RET: variants seen among roughly 807,000 people sequenced by gnomAD.
RET encodes ret proto-oncogene, also known as proto-oncogene tyrosine-protein kinase receptor Ret.
RET carries 19 observed loss-of-function variants against 118.3 expected under a neutral mutation model. The observed-to-expected ratio is 0.16, with a 90% CI of 0.11 to 0.24. The LOEUF is 0.24. RET is among the 10% of genes least tolerant of loss of function. RET has a pLI of 1.00. For missense variants in RET, 1,219 were observed against 1,502.1 expected (o/e 0.81, Z 3.12); for synonymous variants, 597 against 644.1 (o/e 0.93, Z 1.11).
intron 3 of RET, among the ~76,000 whole-genome samples, chr10:43,103,297 A>G (rs1837682850): frequency 6.6e-6 from 1 of 152,258 alleles, no homozygotes; most frequent in East Asian, 1.9e-4. Flanking sequence ...TGTGTTAGGA[A>G]TGGTTTGGGG....
chr10:43,099,014 A>C (rs1837578813), intron 1 of RET, among the ~76,000 whole-genome samples: 1 of 152,156 alleles, frequency 6.6e-6, no homozygotes, highest in South Asian at 2.1e-4. Flanking sequence ...TTTCACCGAC[A>C]ATGTACATGA....
chr10:43,088,466 T>C (rs1393667779), intron 1 of RET, among the ~76,000 whole-genome samples: 1 of 151,824 alleles, frequency 6.6e-6, no homozygotes, highest in Non-Finnish European at 1.5e-5. Context: ...GAGGTGATGG[T>C]GCTGGTGGTA....
In RET at chr10:43,128,760, C is replaced by CGG. The variant is rs201945709; in HGVS notation, c.*498_*499dup. ...TGTCCTTATTCAGAATGAGAGACTG[C>CGG]GGGGGGGGCCTGGGGGTAGTGTCAA... On this transcript the variant is annotated 3_prime_UTR_variant, in exon 20 of 20. Coordinates refer to ENST00000355710, the MANE Select transcript of RET (RefSeq NM_020975.6). The CGG allele has an allele frequency of 7.3e-6, 2 of 272,650 alleles. No individual in the cohort carries two copies. The highest frequency in any genetic ancestry group is 4.5e-5 in the African/African-American group (2 of 44,856). 16.9% of individuals were successfully genotyped at this position (272,650 alleles called of 1,614,324 possible). A position where few individuals can be genotyped will look rare whatever the true frequency, so the allele number is the denominator to read the frequency against.
In RET at chr10:43,106,646, C is replaced by T. The variant is rs1837788040; in HGVS notation, c.1063+75C>T. The T allele has an allele frequency of 1.4e-6, 2 of 1,464,156 alleles. No homozygotes were observed. Among genetic ancestry groups the T allele is most frequent in the Non-Finnish European group, 1.9e-6 (2 of 1,064,346 alleles). 90.7% of individuals were successfully genotyped at this position (1,464,156 alleles called of 1,614,324 possible). A position where few individuals can be genotyped will look rare whatever the true frequency, so the allele number is the denominator to read the frequency against. On this transcript the variant is annotated intron_variant, in intron 5 of 19. Coordinates refer to ENST00000355710, the MANE Select transcript of RET (RefSeq NM_020975.6). This position sits in a 1 kb window ranked among gnomAD's most constrained non-coding sequence, Gnocchi z 5.1. ...GCTCGCTCTTCATGGGCAAGCAGCACCCTACACACATGCACACCTGGCATG... is the reference window on the plus strand; with the variant it reads ...GCTCGCTCTTCATGGGCAAGCAGCATCCTACACACATGCACACCTGGCATG...
intron 1 of RET, among the ~76,000 whole-genome samples, chr10:43,078,656 AG>A (rs1415231977): frequency 4.6e-5 from 7 of 152,180 alleles, no homozygotes; most frequent in Admixed American, 6.5e-5. Flanking sequence ...GGTTGTGGGC[AG>A]GGGGCCAGGT....
chr10:43,079,884 T>G (rs1837141100), intron 1 of RET, among the ~76,000 whole-genome samples: 1 of 152,152 alleles, frequency 6.6e-6, no homozygotes, highest in African/African-American at 2.4e-5. Context: ...CTCCCCTTTC[T>G]CTGGCCAGAG....
rs1008123818 is a variant in RET at position 43,102,581 on chromosome 10, G to C, written c.577G>C (p.Val193Leu). 6.2e-7 allele frequency: 1 copy of C among 1,614,110 alleles called. No individual in the cohort carries two copies. The highest frequency in any genetic ancestry group is 8.5e-7 in the Non-Finnish European group (1 of 1,180,060). The change falls in exon 3 of 20, where the codon GTG becomes CTG. Residue 193 changes from valine to leucine, a missense_variant. By Grantham distance (32) the Val-to-Leu change is conservative. Around this residue, in one of 5 missense-constraint regions of RET, gnomAD observed 850 missense variants for 969.6 expected, o/e 0.88. Coordinates refer to ENST00000355710, the MANE Select transcript of RET (RefSeq NM_020975.6). ...CTTCCACCAGTTCCGCCTGCTGCCT[G>C]TGCAGTTCTTGTGCCCCAACATCAG... ...GTFHQFRLLP[V>L]QFLCPNISVA...
At chr10:43,127,317 C>T in intron 19 of RET, 1 of 1,070,476 alleles carries the variant, frequency 9.3e-7, no homozygotes, top group Non-Finnish European at 1.1e-6. Context: ...GACGCACCCC[C>T]ACTGCTGTTT....
chr10:43,078,278 C>T lies in RET; in HGVS notation c.73+947C>T, dbSNP rs560675082. ...GCTTGTGTATGAACCAAGTTTCCCT[C>T]TAAGAGGGAAGGAGCCCTGGCCATC... On this transcript the variant is annotated intron_variant, in intron 1 of 19. Transcript: ENST00000355710. Among the ~76,000 whole-genome samples the T allele has an allele frequency of 8.5e-5, 13 of 152,346 alleles. No individual in the cohort carries two copies. The East Asian group carries it at 2.3e-3, about 27-fold the overall frequency.
intron 1 of RET, among the ~76,000 whole-genome samples, chr10:43,084,691 C>T (rs957552531): frequency 1.3e-5 from 2 of 152,160 alleles, no homozygotes; most frequent in Admixed American, 1.3e-4. Context: ...CGTCTGATTC[C>T]TCACATGGGC....
intron 8 of RET, among the ~76,000 whole-genome samples, 163 bp downstream of exon 8, chr10:43,112,387 G>A (rs928240163): frequency 7.9e-5 from 12 of 152,246 alleles, no homozygotes; most frequent in Non-Finnish European, 1.8e-4. Flanking sequence ...GGGCAGCAGT[G>A]CAGGGCTTGG....
At chr10:43,095,515 G>A (rs1310532354) in intron 1 of RET, among the ~76,000 whole-genome samples, 2 of 152,146 alleles carry the variant, frequency 1.3e-5, no homozygotes, top group Non-Finnish European at 2.9e-5. Flanking sequence ...GTGTGCACGC[G>A]CACATGTGGG....
At chr10:43,090,972 G>A (rs544636250) in intron 1 of RET, among the ~76,000 whole-genome samples, 19 of 151,798 alleles carry the variant, frequency 1.3e-4, no homozygotes, top group South Asian at 1.1e-3. Flanking sequence ...GATACTGGCC[G>A]TGCCCAGGTG....
Position 43,116,777 on chromosome 10 carries a change from G to C in RET, c.2284+46G>C, listed in dbSNP as rs147601354. 1,360 of 1,155,750 alleles carry C rather than the reference G, an allele frequency of 1.2e-3. 11 individuals are homozygous for C. In the African/African-American group the frequency reaches 0.014, roughly 12 times the overall value. 71.6% of individuals were successfully genotyped at this position (1,155,750 alleles called of 1,614,324 possible). A position where few individuals can be genotyped will look rare whatever the true frequency, so the allele number is the denominator to read the frequency against. ...CAGTGCCCCTGGGGGAGTCTCCGGG[G>C]CGGGGGGCGGGTGAGGCCCCTCCTG... On this transcript the variant is annotated intron_variant, in intron 12 of 19. Transcript: ENST00000355710.
chr10:43,100,520 A>G lies in RET; in HGVS notation c.135A>G (p.Ala45=), dbSNP rs1800858. The stretch of plus-strand genomic sequence containing the variant: ...GGGAGAAGCTGTATGTGGACCAGGC[A>G]GCCGGCACGCCCTTGCTGTACGTCC... The part of the protein sequence containing the change: ...AYWEKLYVDQ[A]AGTPLLYVHA... Residue 45 remains alanine (A), a synonymous_variant, in exon 2 of 20, where the codon GCA becomes GCG. Transcript: ENST00000355710. 1,202,244 of 1,613,574 alleles carry G rather than the reference A, an allele frequency of 0.75. 451,003 individuals carry two copies. The highest frequency in any genetic ancestry group is 0.95 in the African/African-American group (71,329 of 75,016).
intron 1 of RET, among the ~76,000 whole-genome samples, chr10:43,087,321 C>T (rs1008936898): frequency 5.9e-5 from 9 of 152,204 alleles, no homozygotes; most frequent in African/African-American, 1.9e-4. Context: ...CACTCCACAC[C>T]GGGTCTCCTG....
chr10:43,113,519 C>T lies in RET; in HGVS notation c.1760-37C>T, dbSNP rs149319863. On this transcript the variant is annotated intron_variant, in intron 9 of 19. Coordinates refer to ENST00000355710, the MANE Select transcript of RET (RefSeq NM_020975.6). ...AATATGGGCGCCTGGGGTGGTCAGG[C>T]GCCCCAGGAGGCTGAGTGGGCTACG... 2.4e-4 allele frequency: 381 copies of T among 1,576,864 alleles called. No homozygotes were observed. The African/African-American group carries it at 2.7e-3, about 11-fold the overall frequency.
At chr10:43,081,981 G>A (rs1837194853) in intron 1 of RET, among the ~76,000 whole-genome samples, 4 of 152,202 alleles carry the variant, frequency 2.6e-5, no homozygotes, top group Admixed American at 2.6e-4. Flanking sequence ...TCTGAGCTCT[G>A]GGGCCAGGCC....
chr10:43,095,891 G>A (rs1305329937), intron 1 of RET, among the ~76,000 whole-genome samples: 1 of 152,252 alleles, frequency 6.6e-6, no homozygotes, highest in Non-Finnish European at 1.5e-5. Flanking sequence ...CCTGGGCACA[G>A]CCAGCCTGAG....
Sources: allele counts gnomAD v4.1 joint callset (sites outside exome capture counted in the v4.1 genomes callset), GRCh38; gene constraint gnomAD v4.1.1; regional missense constraint gnomAD v4.1.1; non-coding constraint Gnocchi (gnomAD v3.1); transcripts MANE v1.5; gene names NCBI Gene and HGNC (gene_info 2026-07-23, HGNC 2026-07-21).